PCDH15: variants seen among roughly 807,000 people sequenced by gnomAD.
The protein encoded by PCDH15 is protocadherin related 15.
PCDH15 carries 129 observed loss-of-function variants against 178.5 expected under a neutral mutation model. The observed-to-expected ratio is 0.72, with a 90% CI of 0.63 to 0.84. The LOEUF (loss-of-function observed/expected upper bound fraction) is 0.84. Among genes scored for constraint, PCDH15 ranks in the 40% least tolerant of loss-of-function variants. The probability of loss-of-function intolerance (pLI) is 0.00; values close to 1 mark genes in which losing one functional copy is unlikely to be tolerated. For synonymous variants in PCDH15, 800 were observed against 732.0 expected (o/e 1.09, Z -1.50); for missense variants, 2,230 against 2,099.9 (o/e 1.06, Z -1.21).
chr10:55,565,927 T>C (rs972685970), intron 2 of PCDH15, among the ~76,000 whole-genome samples: 8 of 151,700 alleles, frequency 5.3e-5, no homozygotes, highest in African/African-American at 1.9e-4. Context: ...CTAGCATCAA[T>C]CTTTTTCAAA....
intron 1 of PCDH15, among the ~76,000 whole-genome samples, chr10:55,261,319 T>C (rs978456279): frequency 2.0e-5 from 3 of 152,158 alleles, no homozygotes; most frequent in Non-Finnish European, 4.4e-5. Context: ...CATAATAATA[T>C]CCCATTGATT....
Position 54,945,508 on chromosome 10 carries a change from G to T in PCDH15, c.-79-48008C>A, listed in dbSNP as rs146409935. Among the ~76,000 whole-genome samples, 197 of 151,020 alleles carry T rather than the reference G, an allele frequency of 1.3e-3. 1 individual carries two copies. The highest frequency in any genetic ancestry group is 4.6e-3 in the African/African-American group (190 of 41,240). ...GATGTTGTGATTCAGTTTGTCATTT[G>T]CCTGAGAAATCAGTATGAGAAATTT... On this transcript the variant is annotated intron_variant, in intron 2 of 5. Coordinates refer to the PCDH15 transcript ENST00000458638.
intron 8 of PCDH15, among the ~76,000 whole-genome samples, chr10:54,316,422 C>T (rs748289900): frequency 6.6e-6 from 1 of 151,922 alleles, no homozygotes; most frequent in Non-Finnish European, 1.5e-5. Context: ...ACACTTTGAG[C>T]CATTTTGGGA....
intron 32 of PCDH15, among the ~76,000 whole-genome samples, chr10:53,824,508 G>T (rs2076540523): frequency 6.6e-6 from 1 of 152,292 alleles, no homozygotes; most frequent in Non-Finnish European, 1.5e-5. Flanking sequence ...AGTTGTTAAT[G>T]TGTCTTTTGG....
chr10:53,823,729 T>C lies in PCDH15; in HGVS notation c.4368-3499A>G. On this transcript the variant is annotated intron_variant, in intron 32 of 37. Transcript: ENST00000644397. ...CAGTTCTTCCCATTGCAGAACACCA[T>C]CCTTGCCTGAGGATGCTCAGGGCTG... The C allele has an allele frequency of 6.7e-6, 3 of 446,296 alleles. No homozygotes were observed. In the Admixed American group the frequency reaches 7.1e-5, roughly 11 times the overall value. The allele number at this position is 446,296 out of a possible 1,614,324, so 27.6% of individuals were successfully genotyped here. A position where few individuals can be genotyped will look rare whatever the true frequency, so the allele number is the denominator to read the frequency against.
At chr10:54,829,660 T>G (rs1331174458) in intron 3 of PCDH15, among the ~76,000 whole-genome samples, 1 of 152,100 alleles carries the variant, frequency 6.6e-6, no homozygotes, top group Non-Finnish European at 1.5e-5. Context: ...CAAAATGTTG[T>G]CTGTGCATTT....
At chr10:55,283,091 G>T (rs1290304111) in intron 1 of PCDH15, among the ~76,000 whole-genome samples, 1 of 152,156 alleles carries the variant, frequency 6.6e-6, no homozygotes, top group Non-Finnish European at 1.5e-5. Context: ...TCATGCAGCT[G>T]GAGGCTGTAA....
At chr10:54,025,581 C>T (rs536018883) in intron 18 of PCDH15, among the ~76,000 whole-genome samples, 48 of 151,816 alleles carry the variant, frequency 3.2e-4, no homozygotes, top group Non-Finnish European at 5.1e-4. Context: ...TCACTGCAAC[C>T]TCCGCCTTCT....
At chr10:54,316,822 T>C (rs1342279) in intron 8 of PCDH15, among the ~76,000 whole-genome samples, 68,352 of 151,806 alleles carry the variant, frequency 0.45, 16,078 homozygotes, top group Middle Eastern at 0.59. Context: ...TATTCAGTAT[T>C]TGTTAGCTCC....
At chr10:54,565,430 G>C (rs1446837520) in intron 2 of PCDH15, among the ~76,000 whole-genome samples, 1 of 152,134 alleles carries the variant, frequency 6.6e-6, no homozygotes, top group Non-Finnish European at 1.5e-5. Flanking sequence ...CAGCCAGCCA[G>C]TCTCTTTAGA....
At chr10:54,609,307 C>T (rs549084802) in intron 2 of PCDH15, among the ~76,000 whole-genome samples, 2 of 152,062 alleles carry the variant, frequency 1.3e-5, no homozygotes, top group East Asian at 1.9e-4. Context: ...CATGTAGGCT[C>T]ATAAACTTGC....
At chr10:54,912,340 G>T (rs1216909540) in intron 2 of PCDH15, among the ~76,000 whole-genome samples, 7 of 151,800 alleles carry the variant, frequency 4.6e-5, no homozygotes, top group Non-Finnish European at 7.4e-5. Flanking sequence ...GAGGGCCTTG[G>T]TGCAAGGTGA....
intron 32 of PCDH15, chr10:53,823,394 C>T: frequency 6.4e-7 from 1 of 1,568,936 alleles, no homozygotes. Context: ...TGTAAGGAAA[C>T]AAGTTGTGAC....
intron 2 of PCDH15, among the ~76,000 whole-genome samples, chr10:55,364,145 C>A (rs775806492): frequency 6.6e-6 from 1 of 152,002 alleles, no homozygotes; most frequent in Non-Finnish European, 1.5e-5. Flanking sequence ...TGCCACCTTG[C>A]GAAGAAAGGG....
intron 2 of PCDH15, among the ~76,000 whole-genome samples, chr10:54,942,134 G>T (rs1838078108): frequency 6.6e-6 from 1 of 151,716 alleles, no homozygotes; most frequent in Non-Finnish European, 1.5e-5. Context: ...GTGCTCTTCG[G>T]TCTACACTTT....
intron 23 of PCDH15, among the ~76,000 whole-genome samples, chr10:53,953,052 C>T (rs557392529): frequency 1.3e-3 from 196 of 152,344 alleles, no homozygotes; most frequent in Middle Eastern, 0.01. Context: ...CCAGCCCCTC[C>T]AACTCAGAAG....
chr10:55,529,468 G>A (rs1384900736), intron 2 of PCDH15, among the ~76,000 whole-genome samples: 1 of 151,548 alleles, frequency 6.6e-6, no homozygotes, highest in Non-Finnish European at 1.5e-5. Flanking sequence ...CTCCTGCCTT[G>A]GCCTCCCAAA....
chr10:55,263,774 G>A (rs979033227), intron 1 of PCDH15, among the ~76,000 whole-genome samples: 3 of 151,908 alleles, frequency 2.0e-5, no homozygotes, highest in African/African-American at 2.4e-5. Context: ...TCACTCTGTC[G>A]TCTGGGCTGG....
intron 26 of PCDH15, among the ~76,000 whole-genome samples, chr10:53,897,448 T>A (rs2082026646): frequency 6.6e-6 from 1 of 152,222 alleles, no homozygotes; most frequent in African/African-American, 2.4e-5. Context: ...ATTTTATAAA[T>A]TAAAAATAGT....
Sources: allele counts gnomAD v4.1 joint callset (sites outside exome capture counted in the v4.1 genomes callset), GRCh38; gene constraint gnomAD v4.1.1; transcripts MANE v1.5; gene names NCBI Gene and HGNC (gene_info 2026-07-23, HGNC 2026-07-21).